ELAPOR2: variants seen among roughly 807,000 people sequenced by gnomAD.
ELAPOR2 encodes the protein endosome/lysosome-associated apoptosis and autophagy regulator family member 2.
A neutral mutation model predicts 120.7 loss-of-function variants in ELAPOR2; 89 were observed. The observed-to-expected ratio is 0.74, with a 90% CI of 0.62 to 0.88. ELAPOR2 has a LOEUF of 0.88. Ranked by LOEUF, ELAPOR2 falls within the 40% of genes least tolerant of loss-of-function variation. ELAPOR2 has a pLI of 0.00. For missense variants in ELAPOR2, 1,134 were observed against 1,251.6 expected (o/e 0.91, Z 1.42); for synonymous variants, 444 against 444.9 (o/e 1.00, Z 0.03).
At chr7:86,885,264 C>T (rs776285888) in intron 21 of ELAPOR2, among the ~76,000 whole-genome samples, 3 of 152,228 alleles carry the variant, frequency 2.0e-5, no homozygotes, top group African/African-American at 7.2e-5. Flanking sequence ...AAACCTGCAG[C>T]CTCAGAGAAA....
intron 1 of ELAPOR2, among the ~76,000 whole-genome samples, chr7:87,014,505 G>A (rs11981874): frequency 0.017 from 2,614 of 152,180 alleles, 77 homozygotes; most frequent in African/African-American, 0.059. Flanking sequence ...GGCCAAACAC[G>A]GGTTTACACA....
intron 4 of ELAPOR2, among the ~76,000 whole-genome samples, chr7:86,944,094 C>T (rs1348481062): frequency 6.6e-6 from 1 of 151,998 alleles, no homozygotes; most frequent in Non-Finnish European, 1.5e-5. Flanking sequence ...ATTTTTAGTA[C>T]ATTTGTTTCT....
At chr7:86,996,404 C>G (rs1015429024) in intron 1 of ELAPOR2, among the ~76,000 whole-genome samples, 1 of 152,020 alleles carries the variant, frequency 6.6e-6, no homozygotes, top group African/African-American at 2.4e-5. Context: ...AGGGGGCAGC[C>G]ACTGCAAAAG....
At chr7:87,010,269 C>G (rs1793612866) in intron 1 of ELAPOR2, among the ~76,000 whole-genome samples, 1 of 152,202 alleles carries the variant, frequency 6.6e-6, no homozygotes, top group Non-Finnish European at 1.5e-5. Flanking sequence ...ATCTTTGAAA[C>G]TGGGATTCAA....
rs192119889 is a variant in ELAPOR2 at position 86,968,545 on chromosome 7, A to T, written c.190-3521T>A. The stretch of plus-strand genomic sequence containing the variant: ...ATTTTCATTTCTATGGACAAAAATC[A>T]TTTGTATTATTATCAGTTACCTACA... On this transcript the variant is annotated intron_variant, in intron 1 of 21. Transcript: ENST00000450689. Among the ~76,000 whole-genome samples, 382 of 152,336 alleles carry T rather than the reference A, an allele frequency of 2.5e-3. 7 individuals are homozygous for T. The highest frequency in any genetic ancestry group is 0.022 in the Admixed American group (341 of 15,286).
At chr7:86,901,519 T>A (rs1788723416) in intron 18 of ELAPOR2, among the ~76,000 whole-genome samples, 1 of 152,210 alleles carries the variant, frequency 6.6e-6, no homozygotes, top group Non-Finnish European at 1.5e-5. Flanking sequence ...TATTATTAAC[T>A]TTTTGCACAG....
intron 8 of ELAPOR2, among the ~76,000 whole-genome samples, chr7:86,933,141 T>C (rs559386320): frequency 1.3e-3 from 190 of 151,214 alleles, no homozygotes; most frequent in Non-Finnish European, 2.1e-3. Context: ...TATATATATA[T>C]ACAATACTAT....
At chr7:87,025,776 G>C (rs776994366) in intron 1 of ELAPOR2, among the ~76,000 whole-genome samples, 20 of 152,116 alleles carry the variant, frequency 1.3e-4, no homozygotes, top group Non-Finnish European at 2.8e-4. Flanking sequence ...AACATTTCAA[G>C]TAAAATCAAA....
At chr7:86,892,475 C>A (rs2115842596) in intron 20 of ELAPOR2, among the ~76,000 whole-genome samples, 1 of 152,026 alleles carries the variant, frequency 6.6e-6, no homozygotes, top group South Asian at 2.1e-4. Context: ...ACTTGAAGAC[C>A]TGGAGTAAAT....
At chr7:86,937,072 G>C (rs928580160) in intron 8 of ELAPOR2, among the ~76,000 whole-genome samples, 1 of 151,938 alleles carries the variant, frequency 6.6e-6, no homozygotes, top group African/African-American at 2.4e-5. Context: ...CTAAAAAATA[G>C]CCCTTATTTG....
At chr7:87,009,483 T>C (rs1274119480) in intron 1 of ELAPOR2, among the ~76,000 whole-genome samples, 1 of 152,168 alleles carries the variant, frequency 6.6e-6, no homozygotes, top group Non-Finnish European at 1.5e-5. Flanking sequence ...GAAAAACAGT[T>C]TGAGGCCAGA....
intron 3 of ELAPOR2, among the ~76,000 whole-genome samples, chr7:86,946,967 T>A (rs1357943765): frequency 6.6e-6 from 1 of 151,950 alleles, no homozygotes; most frequent in Admixed American, 6.6e-5. Flanking sequence ...AAAAGACAGC[T>A]AGAGTGAAAG....
At chr7:87,028,528 T>A (rs1174328676) in intron 1 of ELAPOR2, among the ~76,000 whole-genome samples, 1 of 152,056 alleles carries the variant, frequency 6.6e-6, no homozygotes, top group South Asian at 2.1e-4. Context: ...TACATATATA[T>A]AAATATATTT....
Position 86,914,723 on chromosome 7 carries a change from A to C in ELAPOR2, c.1731T>G (p.Asp577Glu). The C allele has an allele frequency of 1.2e-6, 2 of 1,602,432 alleles. No individual in the cohort carries two copies. The highest frequency in any genetic ancestry group is 1.7e-6 in the Non-Finnish European group (2 of 1,175,812). Residue 577 changes from aspartate to glutamate, a missense_variant and splice_region_variant, in exon 13 of 22, where the codon GAT (aspartate) becomes GAG (glutamate). Transcript: ENST00000450689. ...WAFQRTNQGQ[D>E]NRRFINDMVK... Reference sequence around the variant, plus strand: ...TTAAAAAAAAGTGCTTGGAACTTACATCTTGACCCTGATTAGTTCTCTGGA... The same window carrying C: ...TTAAAAAAAAGTGCTTGGAACTTACCTCTTGACCCTGATTAGTTCTCTGGA...
intron 1 of ELAPOR2, among the ~76,000 whole-genome samples, chr7:86,979,786 C>T (rs1792402953): frequency 6.6e-6 from 1 of 152,226 alleles, no homozygotes; most frequent in Admixed American, 6.5e-5. Flanking sequence ...CACCCAATCT[C>T]ACAAACTGCC....
chr7:87,018,768 T>C (rs1413117313), intron 1 of ELAPOR2, among the ~76,000 whole-genome samples: 1 of 152,250 alleles, frequency 6.6e-6, no homozygotes, highest in Non-Finnish European at 1.5e-5. Context: ...TCTTGTGATA[T>C]GTGTCTGTCT....
intron 8 of ELAPOR2, 41 bp from the exon 9 acceptor site, chr7:86,926,957 A>C: frequency 1.4e-6 from 2 of 1,433,902 alleles, no homozygotes; most frequent in South Asian, 1.6e-5. Context: ...CAAGTCATAT[A>C]ACATGCTTAT....
In ELAPOR2 at chr7:86,946,673, C is replaced by T. The variant is rs976501281; in HGVS notation, c.506+1054G>A. On this transcript the variant is annotated intron_variant, in intron 3 of 21. Coordinates refer to ENST00000450689, the MANE Select transcript of ELAPOR2 (RefSeq NM_001142749.3). ...AAGTGCTGGGATTACAGGCATGAGC[C>T]ACCGCCGCACTGGCCCAGACTCAAA... is the stretch of plus-strand genomic sequence containing the variant. 3.9e-5 allele frequency among the ~76,000 whole-genome samples: 6 copies of T among 152,222 alleles called. No homozygotes were observed. The South Asian group carries it at 6.2e-4, about 16-fold the overall frequency.
In ELAPOR2 at chr7:86,964,777, C is replaced by G. The variant is rs529942787; in HGVS notation, c.310+127G>C. On this transcript the variant is annotated intron_variant, in intron 2 of 21. Transcript: ENST00000450689. ...GATGAGAAAGGCTGCATTTATTCTGCTGGTTATCAATGCCATATGCTCATT... is the reference window on the plus strand; with the variant it reads ...GATGAGAAAGGCTGCATTTATTCTGGTGGTTATCAATGCCATATGCTCATT... The G allele has an allele frequency of 3.3e-6, 3 of 911,096 alleles. No individual in the cohort carries two copies. The African/African-American group carries it at 5.0e-5, about 15-fold the overall frequency. 56.4% of individuals were successfully genotyped at this position (911,096 alleles called of 1,614,324 possible).
Sources: gnomAD v4.1 joint callset for allele counts (sites outside exome capture counted in the v4.1 genomes callset) on GRCh38, gnomAD v4.1.1 for gene constraint, MANE v1.5 for transcripts, NCBI Gene and HGNC (gene_info 2026-07-23, HGNC 2026-07-21) for gene names.